RYR3: variants seen among roughly 807,000 people sequenced by gnomAD.
RYR3 encodes ryanodine receptor 3.
In RYR3, 207 loss-of-function variants were observed where a neutral mutation model predicts 584.3. That is an observed-to-expected ratio of 0.35 (90% CI 0.32 to 0.40). The LOEUF is 0.40. Ranked by LOEUF, RYR3 falls within the 10% of genes least tolerant of loss-of-function variation. The pLI is 1.00. For missense variants in RYR3, 5,616 were observed against 6,089.2 expected (o/e 0.92, Z 2.59); for synonymous variants, 2,416 against 2,248.5 (o/e 1.07, Z -2.11).
At chr15:33,698,527 C>T (rs1180589341) in intron 40 of RYR3, among the ~76,000 whole-genome samples, 2 of 152,276 alleles carry the variant, frequency 1.3e-5, no homozygotes, top group African/African-American at 4.8e-5. Flanking sequence ...CACAACTGGA[C>T]ATTTATCCCA....
intron 12 of RYR3, among the ~76,000 whole-genome samples, chr15:33,570,772 A>T (rs892337479): frequency 6.6e-6 from 1 of 152,110 alleles, no homozygotes; most frequent in Non-Finnish European, 1.5e-5. Context: ...TTTATTATAT[A>T]AGTCTTGCAC....
chr15:33,543,770 A>G, intron 8 of RYR3, 55 bp downstream of exon 8: 2 of 1,120,154 alleles, frequency 1.8e-6, no homozygotes, highest in East Asian at 2.3e-5. Context: ...AATGACTCAA[A>G]CTAAAGAGTT....
intron 43 of RYR3, among the ~76,000 whole-genome samples, chr15:33,718,234 G>A (rs4780166): frequency 0.11 from 17,077 of 152,168 alleles, 2,303 homozygotes; most frequent in African/African-American, 0.33. Flanking sequence ...GATGATGCAG[G>A]CTCTTGTAAA....
intron 93 of RYR3, chr15:33,847,030 G>A (rs747415571): frequency 2.0e-5 from 3 of 152,188 alleles, no homozygotes; most frequent in Admixed American, 6.5e-5. Context: ...AAACTTCTAG[G>A]AGACTGAAGG....
intron 1 of RYR3, among the ~76,000 whole-genome samples, chr15:33,317,210 T>A (rs559712024): frequency 7.2e-5 from 11 of 152,340 alleles, no homozygotes; most frequent in Non-Finnish European, 1.3e-4. Flanking sequence ...GCCCATTTTT[T>A]CTTTCGCTCA....
intron 7 of RYR3, among the ~76,000 whole-genome samples, chr15:33,542,445 A>G (rs1567492444): frequency 6.6e-6 from 1 of 152,164 alleles, no homozygotes; most frequent in Admixed American, 6.6e-5. Flanking sequence ...AGAATCCCCT[A>G]TAATATATCA....
intron 65 of RYR3, among the ~76,000 whole-genome samples, chr15:33,783,954 G>A (rs1208792174): frequency 2.0e-5 from 3 of 152,174 alleles, no homozygotes; most frequent in Non-Finnish European, 4.4e-5. Flanking sequence ...CTTTTCAGTT[G>A]TCTGGGTTTT....
intron 1 of RYR3, among the ~76,000 whole-genome samples, chr15:33,443,227 C>A (rs1308216994): frequency 6.6e-6 from 1 of 150,652 alleles, no homozygotes; most frequent in Non-Finnish European, 1.5e-5. Flanking sequence ...CCACTGCACT[C>A]CAGCCTGGGT....
chr15:33,795,820 C>T (rs991736722), intron 67 of RYR3, among the ~76,000 whole-genome samples: 7 of 151,946 alleles, frequency 4.6e-5, no homozygotes, highest in South Asian at 2.1e-4. Flanking sequence ...CATGAGCCAC[C>T]GCACCCGACC....
rs374090096 is a variant in RYR3 at position 33,679,278 on chromosome 15, A to G, written c.5860+8722A>G. 2.6e-5 allele frequency among the ~76,000 whole-genome samples: 4 copies of G among 152,238 alleles called. No individual in the cohort carries two copies. In the South Asian group the frequency reaches 8.3e-4, roughly 32 times the overall value. Reference sequence around the variant, plus strand: ...AGGACAGTCATCAAAAAGGCCATCAAGTTGCCACAGCTCATCTCCTCGCTG... The same window carrying G: ...AGGACAGTCATCAAAAAGGCCATCAGGTTGCCACAGCTCATCTCCTCGCTG... On this transcript the variant is annotated intron_variant, in intron 38 of 103. Transcript: ENST00000634891.
intron 2 of RYR3, among the ~76,000 whole-genome samples, chr15:33,497,261 A>C (rs2051523810): frequency 6.6e-6 from 1 of 152,140 alleles, no homozygotes; most frequent in African/African-American, 2.4e-5. Flanking sequence ...GAGAGGTCCC[A>C]GTGGGCTATC....
intron 19 of RYR3, among the ~76,000 whole-genome samples, chr15:33,616,091 C>T (rs1312506190): frequency 6.6e-6 from 1 of 152,158 alleles, no homozygotes; most frequent in Non-Finnish European, 1.5e-5. Context: ...CCCACTTTTA[C>T]TTATTTTGCC....
intron 5 of RYR3, among the ~76,000 whole-genome samples, chr15:33,537,275 A>G (rs2055409035): frequency 6.6e-6 from 1 of 152,212 alleles, no homozygotes. Flanking sequence ...TCTTCTTAGA[A>G]ACATCAGCCA....
intron 81 of RYR3, 63 bp from the exon 82 acceptor site, chr15:33,825,540 A>G (rs1470199088): frequency 3.8e-6 from 4 of 1,056,878 alleles, no homozygotes; most frequent in South Asian, 1.3e-5. Context: ...GTACATTAAC[A>G]TTAGAAATCT....
At chr15:33,575,830 G>GTT (rs71117152) in intron 12 of RYR3, among the ~76,000 whole-genome samples, 93,822 of 138,494 alleles carry the variant, frequency 0.68, 30,932 homozygotes, top group Middle Eastern at 0.76. Flanking sequence ...ACAGGAGCTG[G>GTT]TTTTAAAAAA....
chr15:33,753,620 T>C (rs1432196845), intron 57 of RYR3, among the ~76,000 whole-genome samples: 2 of 152,192 alleles, frequency 1.3e-5, no homozygotes, highest in African/African-American at 4.8e-5. Flanking sequence ...TCTAGTTTCC[T>C]ATAGATTTTT....
chr15:33,860,568 G>A, intron 100 of RYR3, 27 bp from the exon 101 acceptor site: 1 of 1,464,352 alleles, frequency 6.8e-7, no homozygotes, highest in South Asian at 1.3e-5. Context: ...TACACAGATT[G>A]CTTTGTCTTT....
intron 68 of RYR3, 132 bp downstream of exon 68, chr15:33,800,989 C>A: frequency 3.0e-6 from 2 of 676,576 alleles, no homozygotes; most frequent in African/African-American, 1.8e-5. Context: ...AGGACCACGA[C>A]CCATGACACT....
chr15:33,350,083 G>A (rs1320284658), intron 1 of RYR3, among the ~76,000 whole-genome samples: 2 of 152,076 alleles, frequency 1.3e-5, no homozygotes, highest in Admixed American at 6.6e-5. Flanking sequence ...ATAGCAGCAT[G>A]ATTTATAGTC....
Sources: gnomAD v4.1 joint callset for allele counts (sites outside exome capture counted in the v4.1 genomes callset) on GRCh38, gnomAD v4.1.1 for gene constraint, MANE v1.5 for transcripts, NCBI Gene and HGNC (gene_info 2026-07-23, HGNC 2026-07-21) for gene names.